Variants in WWOX observed in about 807,000 individuals in gnomAD.
WWOX encodes WW domain-containing oxidoreductase.
In WWOX, 69 loss-of-function variants were observed where a neutral mutation model predicts 46.2. That is an observed-to-expected ratio of 1.49 (90% CI 1.23 to 1.82). The LOEUF (loss-of-function observed/expected upper bound fraction) is 1.82. Among genes scored for constraint, WWOX ranks in the 40% most tolerant of loss-of-function variants. The pLI, the probability that WWOX is intolerant of heterozygous loss-of-function variation, is 0.00. For missense variants in WWOX, 919 were observed against 542.6 expected (o/e 1.69, Z -6.89); for synonymous variants, 359 against 202.6 (o/e 1.77, Z -6.56).
At chr16:78,930,780 T>C (rs932247620) in intron 8 of WWOX, among the ~76,000 whole-genome samples, 1 of 152,114 alleles carries the variant, frequency 6.6e-6, no homozygotes, top group African/African-American at 2.4e-5. Flanking sequence ...ACGGCACCTG[T>C]GATGCTTCCA....
At chr16:78,816,874 C>T (rs1292376983) in intron 8 of WWOX, among the ~76,000 whole-genome samples, 1 of 152,064 alleles carries the variant, frequency 6.6e-6, no homozygotes, top group African/African-American at 2.4e-5. Context: ...TTTTCATCAC[C>T]TGGTTACAAA....
At chr16:78,150,086 C>G (rs925225445) in intron 4 of WWOX, among the ~76,000 whole-genome samples, 4 of 152,300 alleles carry the variant, frequency 2.6e-5, no homozygotes, top group African/African-American at 9.6e-5. Context: ...GTAGCAAGTT[C>G]AAGATTGTCA....
intron 8 of WWOX, among the ~76,000 whole-genome samples, chr16:78,656,476 G>A (rs1022323982): frequency 2.6e-5 from 4 of 152,174 alleles, no homozygotes; most frequent in African/African-American, 9.7e-5. Context: ...AATCATGGCA[G>A]AAGATGAAAG....
At chr16:79,127,211 TG>T (rs1329781006) in intron 8 of WWOX, among the ~76,000 whole-genome samples, 1 of 152,136 alleles carries the variant, frequency 6.6e-6, no homozygotes, top group Non-Finnish European at 1.5e-5. Flanking sequence ...CACACACCTA[TG>T]TTTTTCTTTA....
intron 8 of WWOX, among the ~76,000 whole-genome samples, chr16:79,193,632 T>G (rs1383343620): frequency 6.6e-6 from 1 of 152,154 alleles, no homozygotes; most frequent in East Asian, 1.9e-4. Flanking sequence ...ATATTGCAAA[T>G]TGACCCTCGC....
intron 8 of WWOX, among the ~76,000 whole-genome samples, chr16:78,463,795 A>G (rs1688508273): frequency 6.6e-6 from 1 of 152,202 alleles, no homozygotes; most frequent in African/African-American, 2.4e-5. Flanking sequence ...GATCAAGTAA[A>G]GAGTTTAAAG....
intron 8 of WWOX, among the ~76,000 whole-genome samples, chr16:78,818,279 C>A (rs943059401): frequency 6.6e-6 from 1 of 152,188 alleles, no homozygotes; most frequent in African/African-American, 2.4e-5. Flanking sequence ...ATCTACTTTC[C>A]AGTGTGGACA....
intron 8 of WWOX, among the ~76,000 whole-genome samples, chr16:79,085,552 T>C (rs1414915832): frequency 6.6e-6 from 1 of 152,176 alleles, no homozygotes; most frequent in Non-Finnish European, 1.5e-5. Context: ...TCTCTGGAAA[T>C]GCAACTTTCT....
chr16:78,165,373 C>G (rs2034937071), intron 5 of WWOX, among the ~76,000 whole-genome samples: 1 of 152,134 alleles, frequency 6.6e-6, no homozygotes, highest in African/African-American at 2.4e-5. Flanking sequence ...TTGTGGAAGA[C>G]AAATTTAGTC....
chr16:78,585,283 T>G (rs376542579), intron 8 of WWOX, among the ~76,000 whole-genome samples: 9 of 152,346 alleles, frequency 5.9e-5, no homozygotes, highest in African/African-American at 2.2e-4. Context: ...GACCAGGCCT[T>G]GGCAGCAGTT....
chr16:78,627,941 G>A (rs1196383486), intron 8 of WWOX, among the ~76,000 whole-genome samples: 1 of 152,224 alleles, frequency 6.6e-6, no homozygotes, highest in East Asian at 1.9e-4. Context: ...TCTGCCTTGA[G>A]TGTCACCTGT....
At chr16:78,458,263 T>G (rs1326822136) in intron 8 of WWOX, among the ~76,000 whole-genome samples, 3 of 90,528 alleles carry the variant, frequency 3.3e-5, no homozygotes, top group Non-Finnish European at 7.0e-5. Context: ...GTATAGTTTT[T>G]TTTTTTTTTT....
intron 5 of WWOX, among the ~76,000 whole-genome samples, chr16:78,290,144 A>C (rs11645168): frequency 6.6e-6 from 1 of 152,008 alleles, no homozygotes; most frequent in Non-Finnish European, 1.5e-5. Context: ...GTGCATTGCT[A>C]CTTGGGGTTT....
At chr16:78,723,189 AG>A (rs1383320437) in intron 8 of WWOX, among the ~76,000 whole-genome samples, 1 of 152,204 alleles carries the variant, frequency 6.6e-6, no homozygotes, top group Admixed American at 6.6e-5. Context: ...TCTGATTGTC[AG>A]GCTTTCTTAG....
chr16:78,466,554 G>A (rs947708780), intron 8 of WWOX, among the ~76,000 whole-genome samples: 10 of 152,102 alleles, frequency 6.6e-5, no homozygotes, highest in South Asian at 2.1e-4. Context: ...TTCCAGCTGC[G>A]TGCAGTGGCT....
At chr16:78,678,842 G>A (rs936455280) in intron 8 of WWOX, among the ~76,000 whole-genome samples, 1 of 152,124 alleles carries the variant, frequency 6.6e-6, no homozygotes, top group African/African-American at 2.4e-5. Context: ...GCTCCATAAA[G>A]AGTCCCTGTG....
At chr16:79,049,829 T>G (rs139770065) in intron 8 of WWOX, among the ~76,000 whole-genome samples, 14 of 137,198 alleles carry the variant, frequency 1.0e-4, no homozygotes, top group African/African-American at 3.4e-4. Context: ...AGTGAGACTC[T>G]GTCTCAAAAA....
At chr16:78,896,182 T>A (rs143687698) in intron 8 of WWOX, 1 of 152,070 alleles carries the variant, frequency 6.6e-6, no homozygotes, top group East Asian at 1.9e-4. Flanking sequence ...TGCTGAATCA[T>A]GTTTTAAACA....
intron 8 of WWOX, among the ~76,000 whole-genome samples, chr16:78,985,416 C>T (rs1260697666): frequency 3.3e-5 from 5 of 152,238 alleles, no homozygotes; most frequent in Non-Finnish European, 5.9e-5. Context: ...CCATGAATCA[C>T]TTCACATCTC....
Sources: gnomAD v4.1 joint callset for allele counts (sites outside exome capture counted in the v4.1 genomes callset) on GRCh38, gnomAD v4.1.1 for gene constraint, MANE v1.5 for transcripts, NCBI Gene and HGNC (gene_info 2026-07-23, HGNC 2026-07-21) for gene names.